Variants in GALNT18 observed in about 807,000 individuals in gnomAD.
GALNT18 encodes polypeptide N-acetylgalactosaminyltransferase 18, also known as GalNAc-transferase 18.
In GALNT18, 44 loss-of-function variants were observed where a neutral mutation model predicts 69.5. The ratio of observed to expected loss-of-function variants is 0.63; its 90% CI spans 0.50 to 0.81. The LOEUF is 0.81. Ranked by LOEUF, GALNT18 falls within the 40% of genes least tolerant of loss-of-function variation. The pLI, the probability that GALNT18 is intolerant of heterozygous loss-of-function variation, is 0.00. For missense variants in GALNT18, 715 were observed against 810.0 expected, an observed-to-expected ratio of 0.88 and a Z score of 1.42; for synonymous variants, 364 against 318.2, an observed-to-expected ratio of 1.14 and a Z score of -1.53.
rs1849826218 is a variant in GALNT18 at position 11,320,621 on chromosome 11, T to C, written c.1512+6465A>G. 6.6e-6 allele frequency among the ~76,000 whole-genome samples: 1 copy of C among 152,180 alleles called. No homozygotes were observed. The highest frequency in any genetic ancestry group is 2.4e-5 in the African/African-American group (1 of 41,450). ...CCTAGAGTACCCCTTTTCTTACTCT[T>C]CCATGAGCAGTGAACTTCTTGCGGG... On this transcript the variant is annotated intron_variant, in intron 9 of 10. Coordinates refer to ENST00000227756, the MANE Select transcript of GALNT18 (RefSeq NM_198516.3). The surrounding 1 kb of genome is among the most constrained non-coding windows in gnomAD (Gnocchi z 4.9).
intron 1 of GALNT18, among the ~76,000 whole-genome samples, chr11:11,551,476 G>A (rs148092869): frequency 3.9e-5 from 6 of 152,264 alleles, no homozygotes; most frequent in African/African-American, 1.2e-4. Flanking sequence ...CCAAAGCCCA[G>A]AAATTTCCAA....
At chr11:11,278,352 T>TG (rs1364392653) in intron 10 of GALNT18, among the ~76,000 whole-genome samples, 3 of 51,428 alleles carry the variant, frequency 5.8e-5, no homozygotes, top group African/African-American at 2.4e-4. Flanking sequence ...CATCACACAG[T>TG]GGGGCCTGTT....
Position 11,293,063 on chromosome 11 carries a change from G to A in GALNT18, c.1643C>T (p.Ala548Val), listed in dbSNP as rs1280832295. The A allele has an allele frequency of 7.2e-7, 1 of 1,389,358 alleles. No homozygotes were observed. Among genetic ancestry groups the A allele is most frequent in the South Asian group, 1.9e-5 (1 of 52,106 alleles). 86.1% of individuals were successfully genotyped at this position (1,389,358 alleles called of 1,614,324 possible). The change falls in exon 10 of 11, where the codon GCC becomes GTC. Residue 548 changes from alanine (A) to valine (V), a missense_variant. Physicochemically the swap from Ala to Val is moderately conservative, Grantham distance 64 (BLOSUM62 0). Coordinates refer to ENST00000227756, the MANE Select transcript of GALNT18 (RefSeq NM_198516.3). ...PRLIECSYAK[A>V]KRMKLHWQFS... ...CTGCCAGTGAAGCTTCATCCTCTTGGCTTTGGCGTAGCTGCATTCGATGAG... is the reference window on the plus strand; with the variant it reads ...CTGCCAGTGAAGCTTCATCCTCTTGACTTTGGCGTAGCTGCATTCGATGAG...
In GALNT18 at chr11:11,481,203, G is replaced by C. The variant is rs571279303; in HGVS notation, c.236-32267C>G. ...CCAAACAGCCCCCTGCACTCCACTA[G>C]GCAATTCATCTGCAAATTCCCATGA... On this transcript the variant is annotated intron_variant, in intron 1 of 10. Transcript: ENST00000227756. Among the ~76,000 whole-genome samples, 173 of 152,274 alleles carry C rather than the reference G, an allele frequency of 1.1e-3. 1 individual carries two copies. The highest frequency in any genetic ancestry group is 3.7e-3 in the African/African-American group (152 of 41,558).
At chr11:11,483,630 G>A (rs1856582202) in intron 1 of GALNT18, among the ~76,000 whole-genome samples, 1 of 152,106 alleles carries the variant, frequency 6.6e-6, no homozygotes, top group Non-Finnish European at 1.5e-5. Context: ...GAGGGTTCAG[G>A]AAAGGTCAGC....
At chr11:11,399,573 A>C (rs557834311) in intron 3 of GALNT18, among the ~76,000 whole-genome samples, 129 of 152,320 alleles carry the variant, frequency 8.5e-4, no homozygotes, top group African/African-American at 2.9e-3. Context: ...AATGACTACA[A>C]ACAGTAACGA....
At chr11:11,420,020 T>A (rs1365661911) in intron 3 of GALNT18, among the ~76,000 whole-genome samples, 1 of 151,998 alleles carries the variant, frequency 6.6e-6, no homozygotes, top group Non-Finnish European at 1.5e-5. Flanking sequence ...GGGGTGCAAG[T>A]CCCTGTGGGC....
At chr11:11,301,944 C>T (rs941306425) in intron 9 of GALNT18, among the ~76,000 whole-genome samples, 2 of 152,156 alleles carry the variant, frequency 1.3e-5, no homozygotes. Context: ...GAGTAACAGT[C>T]TCTACCTGGG....
chr11:11,372,046 A>G lies in GALNT18; in HGVS notation c.1092+469T>C, dbSNP rs975733601. Among the ~76,000 whole-genome samples, 1 of 152,152 alleles carries G rather than the reference A, an allele frequency of 6.6e-6. No individual in the cohort carries two copies. The highest frequency in any genetic ancestry group is 1.5e-5 in the Non-Finnish European group (1 of 68,034). On this transcript the variant is annotated intron_variant, in intron 6 of 10. Transcript: ENST00000227756. This position sits in a 1 kb window ranked among gnomAD's most constrained non-coding sequence, Gnocchi z 4.9. ...AGCCTGGCTGCATCTTGCTGTTTAT[A>G]CACCCTGAGTTTATTTCTCTGGGCT...
At chr11:11,572,684 G>C (rs1283984753) in intron 1 of GALNT18, among the ~76,000 whole-genome samples, 1 of 152,192 alleles carries the variant, frequency 6.6e-6, no homozygotes, top group Non-Finnish European at 1.5e-5. Context: ...CATTCAACAT[G>C]GCTGCCCGGT....
At chr11:11,301,504 C>CTGG in intron 9 of GALNT18, among the ~76,000 whole-genome samples, 1 of 152,228 alleles carries the variant, frequency 6.6e-6, no homozygotes, top group East Asian at 1.9e-4. Flanking sequence ...TCATCAACCA[C>CTGG]AGCACGAGGT....
chr11:11,547,309 A>G (rs1858079494), intron 1 of GALNT18, among the ~76,000 whole-genome samples: 1 of 152,196 alleles, frequency 6.6e-6, no homozygotes, highest in Admixed American at 6.5e-5. Flanking sequence ...GGAGGCAGCC[A>G]CAGAGGAGCT....
At chr11:11,324,348 C>G (rs900018830) in intron 9 of GALNT18, among the ~76,000 whole-genome samples, 5 of 152,178 alleles carry the variant, frequency 3.3e-5, no homozygotes, top group Non-Finnish European at 7.3e-5. Flanking sequence ...ACGACATGAT[C>G]AAGGTTGTTC....
chr11:11,396,798 G>C lies in GALNT18; in HGVS notation c.596-17534C>G, dbSNP rs918965600. On this transcript the variant is annotated intron_variant, in intron 3 of 10. Transcript: ENST00000227756. This position sits in a 1 kb window ranked among gnomAD's most constrained non-coding sequence, Gnocchi z 5.2. Reference sequence around the variant, plus strand: ...GAGAGAGAGGCTGTATTTCTGGCCCGCACTGCAGCATCAGTGGGGAGGAAA... The same window carrying C: ...GAGAGAGAGGCTGTATTTCTGGCCCCCACTGCAGCATCAGTGGGGAGGAAA... 1.3e-5 allele frequency among the ~76,000 whole-genome samples: 2 copies of C among 152,146 alleles called. No homozygotes were observed. Among genetic ancestry groups the C allele is most frequent in the Non-Finnish European group, 2.9e-5 (2 of 68,032 alleles).
chr11:11,419,109 C>T (rs561015584), intron 3 of GALNT18, among the ~76,000 whole-genome samples: 5 of 152,282 alleles, frequency 3.3e-5, no homozygotes, highest in South Asian at 4.1e-4. Flanking sequence ...TATCTCTGCA[C>T]GCAGGCCATG....
At chr11:11,336,776 T>C (rs143837664) in intron 7 of GALNT18, among the ~76,000 whole-genome samples, 168 of 152,336 alleles carry the variant, frequency 1.1e-3, no homozygotes, top group African/African-American at 3.9e-3. Context: ...TCAGACACTA[T>C]CGTAAACACT....
At position 11,388,280 on chromosome 11, in the gene GALNT18, A is replaced by G. The variant is rs79602429; in HGVS notation, c.596-9016T>C. 2.0e-3 allele frequency among the ~76,000 whole-genome samples: 310 copies of G among 152,264 alleles called. 2 individuals are homozygous for G. The highest frequency in any genetic ancestry group is 7.3e-3 in the African/African-American group (304 of 41,548). ...ACCCCATACTTAGCGGGGTCGCCAAAGCCAGGCTCTCAAAACCCACAAACA... is the reference window on the plus strand; with the variant it reads ...ACCCCATACTTAGCGGGGTCGCCAAGGCCAGGCTCTCAAAACCCACAAACA... On this transcript the variant is annotated intron_variant, in intron 3 of 10. Coordinates refer to ENST00000227756, the MANE Select transcript of GALNT18 (RefSeq NM_198516.3).
intron 6 of GALNT18, among the ~76,000 whole-genome samples, chr11:11,349,903 C>A (rs1850367989): frequency 6.6e-6 from 1 of 152,190 alleles, no homozygotes; most frequent in Non-Finnish European, 1.5e-5. Context: ...ATCAACACTT[C>A]CGAAGAGTCC....
In GALNT18 at chr11:11,605,425, C is replaced by A. The variant is rs1319567323; in HGVS notation, c.235+15934G>T. Among the ~76,000 whole-genome samples, 1 of 152,210 alleles carries A rather than the reference C, an allele frequency of 6.6e-6. No homozygotes were observed. Among genetic ancestry groups the A allele is most frequent in the Non-Finnish European group, 1.5e-5 (1 of 68,034 alleles). ...GTCTCCTGAGTGCGAAACAGCAAGT[C>A]CTAACTTGCCAGGCCGCCAGTCACC... On this transcript the variant is annotated intron_variant, in intron 1 of 10. Coordinates refer to ENST00000227756, the MANE Select transcript of GALNT18 (RefSeq NM_198516.3). This position sits in a 1 kb window ranked among gnomAD's most constrained non-coding sequence, Gnocchi z 4.7.
Sources: allele counts gnomAD v4.1 joint callset (sites outside exome capture counted in the v4.1 genomes callset), GRCh38; gene constraint gnomAD v4.1.1; non-coding constraint Gnocchi (gnomAD v3.1); transcripts MANE v1.5; gene names NCBI Gene and HGNC (gene_info 2026-07-23, HGNC 2026-07-21).